The following ACTL6A variants were observed in gnomAD, a reference collection of about 807,000 sequenced individuals.
The protein encoded by ACTL6A is actin-like protein 6A.
ACTL6A carries 5 observed loss-of-function variants against 59.2 expected under a neutral mutation model. The observed-to-expected ratio is 0.08, with a 90% CI of 0.04 to 0.18. The LOEUF (loss-of-function observed/expected upper bound fraction) is 0.18, where lower values mean the gene tolerates loss of function less well. Ranked by LOEUF, ACTL6A falls within the 10% of genes least tolerant of loss-of-function variation. ACTL6A has a pLI of 1.00. For synonymous variants in ACTL6A, 154 were observed against 171.8 expected, an observed-to-expected ratio of 0.90 and a Z score of 0.81; for missense variants, 285 against 526.9, an observed-to-expected ratio of 0.54 and a Z score of 4.49.
intron 8 of ACTL6A, among the ~76,000 whole-genome samples, chr3:179,579,003 A>T (rs1226363502): frequency 6.6e-6 from 1 of 152,166 alleles, no homozygotes; most frequent in African/African-American, 2.4e-5. Context: ...TCAGCCTCCC[A>T]AAGTGCTGGG....
rs116235725 is a variant in ACTL6A at position 179,581,273 on chromosome 3, T to C, written c.1026+53T>C. 1.4e-3 allele frequency: 2,009 copies of C among 1,394,870 alleles called. 23 individuals are homozygous for C. In the African/African-American group the frequency reaches 0.025, roughly 17 times the overall value. 86.4% of individuals were successfully genotyped at this position (1,394,870 alleles called of 1,614,324 possible). A position where few individuals can be genotyped will look rare whatever the true frequency, so the allele number is the denominator to read the frequency against. ...AAAGGTATCTTTTAGGGGACTGAAA[T>C]GTCCCCAAATCATTGTTAGGTTGAC... On this transcript the variant is annotated intron_variant, in intron 11 of 13. Coordinates refer to ENST00000429709, the MANE Select transcript of ACTL6A (RefSeq NM_004301.5).
intron 11 of ACTL6A, 43 bp from the exon 12 acceptor site, chr3:179,583,307 TGGA>T: frequency 6.9e-7 from 1 of 1,453,472 alleles, no homozygotes; most frequent in South Asian, 1.2e-5. Flanking sequence ...TTAAAACTTT[TGGA>T]AACATATGGA....
chr3:179,584,242 A>G (rs1718417876), intron 12 of ACTL6A: 2 of 152,226 alleles, frequency 1.3e-5, no homozygotes, highest in Non-Finnish European at 2.9e-5. Context: ...GTATATTATA[A>G]TAACTTTTAA....
chr3:179,578,806 C>T (rs944796871), intron 8 of ACTL6A, among the ~76,000 whole-genome samples: 1 of 152,154 alleles, frequency 6.6e-6, no homozygotes, highest in Admixed American at 6.6e-5. Context: ...TGCTTTGTCA[C>T]CCAGGCTGGA....
At chr3:179,577,889 C>T (rs572820605) in intron 8 of ACTL6A, among the ~76,000 whole-genome samples, 5 of 152,018 alleles carry the variant, frequency 3.3e-5, no homozygotes, top group South Asian at 4.2e-4. Context: ...AGTCTTCCAC[C>T]GACGGGCATT....
At chr3:179,584,036 C>T (rs1576858934) in intron 12 of ACTL6A, among the ~76,000 whole-genome samples, 1 of 152,144 alleles carries the variant, frequency 6.6e-6, no homozygotes, top group African/African-American at 2.4e-5. Flanking sequence ...GGATTAGTTT[C>T]CTAGAGCTGC....
At position 179,573,365 on chromosome 3, in the gene ACTL6A, C is replaced by T. The variant is rs1313415256; in HGVS notation, c.278-4C>T. ...ATTTCCAAGTTACTAATCTTATATT[C>T]TAGTTGAAGACTGGGATAGTTTCCA... On this transcript the variant is annotated splice_region_variant and splice_polypyrimidine_tract_variant and intron_variant, in intron 3 of 13. Coordinates refer to ENST00000429709, the MANE Select transcript of ACTL6A (RefSeq NM_004301.5). 1 of 1,547,976 alleles carries T rather than the reference C, an allele frequency of 6.5e-7. No individual in the cohort carries two copies. The highest frequency in any genetic ancestry group is 1.4e-5 in the African/African-American group (1 of 71,650).
intron 11 of ACTL6A, among the ~76,000 whole-genome samples, chr3:179,582,568 A>G (rs1010644897): frequency 6.6e-5 from 10 of 152,220 alleles, no homozygotes; most frequent in Non-Finnish European, 1.5e-4. Context: ...GTCTGTCATA[A>G]TCATAAAATA....
At chr3:179,582,668 A>G (rs1035568644) in intron 11 of ACTL6A, among the ~76,000 whole-genome samples, 2 of 151,946 alleles carry the variant, frequency 1.3e-5, no homozygotes, top group Non-Finnish European at 2.9e-5. Context: ...GTTGCAATTA[A>G]TATTTCCAGA....
In ACTL6A at chr3:179,562,967, G is replaced by T. The variant is rs1396109129; in HGVS notation, c.-126G>T. On this transcript the variant is annotated 5_prime_UTR_variant, in exon 1 of 14. Transcript: ENST00000429709. ...CGGGGTGTGTGGACGCCGCTTTGTT[G>T]CCTGAGGTGGGTGGCGGTGGAAGTT... is the stretch of plus-strand genomic sequence containing the variant. 4.6e-6 allele frequency: 6 copies of T among 1,302,026 alleles called. No homozygotes were observed. The highest frequency in any genetic ancestry group is 2.5e-5 in the East Asian group (1 of 40,078). The allele number at this position is 1,302,026 out of a possible 1,614,324, so 80.7% of individuals were successfully genotyped here. A position where few individuals can be genotyped will look rare whatever the true frequency, so the allele number is the denominator to read the frequency against.
chr3:179,581,334 G>A (rs1211433962), intron 11 of ACTL6A, 114 bp downstream of exon 11: 2 of 879,722 alleles, frequency 2.3e-6, no homozygotes, highest in Non-Finnish European at 3.8e-6. Flanking sequence ...TTGACTTTGA[G>A]GTTCATTTTA....
rs1718176612 is a variant in ACTL6A, at chr3:179,576,718, G to A, written c.670G>A (p.Ala224Thr). The change falls in exon 7 of 14, where the codon GCA (alanine) becomes ACA (threonine). Residue 224 changes from alanine to threonine, a missense_variant. By Grantham distance (58) the Ala-to-Thr change is moderately conservative. Transcript: ENST00000429709. ...NIELVPPYMI[A>T]SKEAVREGSP... ...TGAATTGGTTCCTCCATATATGATT[G>A]CATCAAAAGTAAGTAATTATTGAAT... The A allele has an allele frequency of 5.0e-6, 8 of 1,612,244 alleles. No individual in the cohort carries two copies. In the East Asian group the frequency reaches 6.7e-5, roughly 13 times the overall value.
At chr3:179,575,419 C>T (rs527512659) in intron 5 of ACTL6A, 1 of 456,698 alleles carries the variant, frequency 2.2e-6, no homozygotes, top group African/African-American at 2.0e-5. Context: ...TCATCATCTA[C>T]TTCACTAAAC....
intron 12 of ACTL6A, 59 bp downstream of exon 12, chr3:179,583,507 G>A: frequency 2.2e-6 from 3 of 1,366,812 alleles, no homozygotes; most frequent in African/African-American, 1.4e-5. Flanking sequence ...CACTGATGGT[G>A]TAATTTTGTA....
rs1429678684 is a variant in ACTL6A at position 179,568,191 on chromosome 3, AAAG to A, written c.26-1631_26-1629del. 5.3e-5 allele frequency among the ~76,000 whole-genome samples: 8 copies of A among 152,012 alleles called. No individual in the cohort carries two copies. In the East Asian group the frequency reaches 1.5e-3, roughly 29 times the overall value. On this transcript the variant is annotated intron_variant, in intron 1 of 13. Transcript: ENST00000429709. ...CTCCGTGTCAAAAAAAAAAAAAAAA[AAAG>A]AGATCATTCTGCAAAGCTACTGTCT...
intron 11 of ACTL6A, 93 bp downstream of exon 11, chr3:179,581,313 T>C: frequency 9.8e-7 from 1 of 1,017,996 alleles, no homozygotes; most frequent in Non-Finnish European, 1.6e-6. Context: ...ATCTAATGGT[T>C]GTCAGTGTCA....
chr3:179,562,991 T>G lies in ACTL6A; in HGVS notation c.-102T>G, dbSNP rs1717707742. The G allele has an allele frequency of 4.0e-6, 6 of 1,491,862 alleles. No homozygotes were observed. Among genetic ancestry groups the G allele is most frequent in the Middle Eastern group, 1.7e-4 (1 of 5,892 alleles). The allele number at this position is 1,491,862 out of a possible 1,614,324, so 92.4% of individuals were successfully genotyped here. A position where few individuals can be genotyped will look rare whatever the true frequency, so the allele number is the denominator to read the frequency against. ...TGCCTGAGGTGGGTGGCGGTGGAAG[T>G]TAAGGGAGTCAGGGGCTATCGCTCC... On this transcript the variant is annotated 5_prime_UTR_variant, in exon 1 of 14. Transcript: ENST00000429709.
chr3:179,579,705 T>C (rs574490076), intron 8 of ACTL6A, among the ~76,000 whole-genome samples: 1 of 152,332 alleles, frequency 6.6e-6, no homozygotes, highest in South Asian at 2.1e-4. Flanking sequence ...GGAGAATTGC[T>C]TGAACATGGG....
At chr3:179,565,391 C>T (rs1338155278) in intron 1 of ACTL6A, among the ~76,000 whole-genome samples, 2 of 148,246 alleles carry the variant, frequency 1.3e-5, no homozygotes, top group Admixed American at 6.9e-5. Context: ...GGTGACAGAG[C>T]GAGACTCTAT....
Sources: allele counts gnomAD v4.1 joint callset (sites outside exome capture counted in the v4.1 genomes callset), GRCh38; gene constraint gnomAD v4.1.1; transcripts MANE v1.5; gene names NCBI Gene and HGNC (gene_info 2026-07-23, HGNC 2026-07-21).